The following CARS2 variants were observed in gnomAD, a reference collection of about 807,000 sequenced individuals.
CARS2 encodes probable cysteine--tRNA ligase, mitochondrial.
CARS2 carries 52 observed loss-of-function variants against 68.8 expected under a neutral mutation model. The observed-to-expected ratio is 0.76, with a 90% CI of 0.61 to 0.95. The LOEUF is 0.95. CARS2 is among the 40% of genes least tolerant of loss of function. The pLI, the probability that CARS2 is intolerant of heterozygous loss-of-function variation, is 0.00. For missense variants in CARS2, 780 were observed against 754.2 expected (o/e 1.03, Z -0.40); for synonymous variants, 314 against 303.6 (o/e 1.03, Z -0.36).
chr13:110,692,067 T>C (rs1338246336), intron 3 of CARS2, among the ~76,000 whole-genome samples: 9 of 144,626 alleles, frequency 6.2e-5, no homozygotes, highest in South Asian at 2.1e-4. Context: ...CATATATATA[T>C]ACACACATAC....
At chr13:110,679,588 A>AG (rs2063085132) in intron 6 of CARS2, among the ~76,000 whole-genome samples, 1 of 11,570 alleles carries the variant, frequency 8.6e-5, no homozygotes, top group African/African-American at 1.5e-4. Context: ...AGAAAGAAAG[A>AG]AAGAAAGAAA....
chr13:110,697,549 T>C (rs1429782774), intron 3 of CARS2, among the ~76,000 whole-genome samples: 2 of 152,208 alleles, frequency 1.3e-5, no homozygotes, highest in Non-Finnish European at 2.9e-5. Context: ...TTCAAGTACT[T>C]CTCGTGTCTC....
chr13:110,642,808 G>A (rs1454984847), intron 13 of CARS2: 2 of 672,954 alleles, frequency 3.0e-6, no homozygotes, highest in Non-Finnish European at 5.5e-6. Context: ...GCCCCGCCCT[G>A]AACACAAACG....
intron 2 of CARS2, among the ~76,000 whole-genome samples, chr13:110,703,982 G>A (rs145953875): frequency 0.011 from 1,699 of 152,364 alleles, 41 homozygotes; most frequent in African/African-American, 0.039. Context: ...TCATAGAAGA[G>A]ACCTCAGAGA....
In CARS2 at chr13:110,680,451, G is replaced by T. The variant is rs116945982; in HGVS notation, c.655+2600C>A. Among the ~76,000 whole-genome samples, 124 of 152,300 alleles carry T rather than the reference G, an allele frequency of 8.1e-4. 2 individuals carry two copies. The East Asian group carries it at 0.022, about 27-fold the overall frequency. The stretch of plus-strand genomic sequence containing the variant: ...TTCCAGCAAATAAAGCAGAATGGGA[G>T]TTGCACCACCATGCCACCTCTTTTT... On this transcript the variant is annotated intron_variant, in intron 6 of 14. Transcript: ENST00000257347.
At chr13:110,713,432 A>G in exon 1 of CARS2, 1 of 999,886 alleles carries the variant, frequency 1.0e-6, no homozygotes, top group Non-Finnish European at 1.2e-6. Context: ...CAAGTGCCAA[A>G]AACTCCTAGT....
intron 8 of CARS2, chr13:110,664,736 C>G: frequency 1.3e-6 from 1 of 753,998 alleles, no homozygotes; most frequent in Non-Finnish European, 1.6e-6. Flanking sequence ...CCTCAGGTGA[C>G]GGTAACTGAA....
intron 7 of CARS2, among the ~76,000 whole-genome samples, chr13:110,672,338 A>G (rs2062825489): frequency 6.6e-6 from 1 of 152,214 alleles, no homozygotes; most frequent in Non-Finnish European, 1.5e-5. Context: ...CAGCAAATGT[A>G]AAAGAACAGA....
rs138013631 is a variant in CARS2 at position 110,666,944 on chromosome 13, T to C, written c.919+396A>G. On this transcript the variant is annotated intron_variant, in intron 8 of 14. Coordinates refer to ENST00000257347, the MANE Select transcript of CARS2 (RefSeq NM_024537.4). Reference sequence around the variant, plus strand: ...GAGCAGACAGCTGGGGTTCATCAGTTAGGTGTTTGAACAGTGGAAGAAAGG... The same window carrying C: ...GAGCAGACAGCTGGGGTTCATCAGTCAGGTGTTTGAACAGTGGAAGAAAGG... 6.6e-4 allele frequency: 651 copies of C among 985,406 alleles called. 8 individuals are homozygous for C. In the African/African-American group the frequency reaches 0.011, roughly 16 times the overall value. 61.0% of individuals were successfully genotyped at this position (985,406 alleles called of 1,614,324 possible). A position where few individuals can be genotyped will look rare whatever the true frequency, so the allele number is the denominator to read the frequency against.
chr13:110,679,569 G>GAAAGAA (rs1422792040), intron 6 of CARS2, among the ~76,000 whole-genome samples: 1 of 98,324 alleles, frequency 1.0e-5, no homozygotes, highest in East Asian at 2.9e-4. Context: ...AAGAAAGAAA[G>GAAAGAA]AGAGAGAAAG....
In CARS2 at chr13:110,706,050, A is replaced by G; in HGVS notation, c.44T>C (p.Leu15Pro). 2.2e-6 allele frequency: 3 copies of G among 1,362,770 alleles called. No individual in the cohort carries two copies. Among genetic ancestry groups the G allele is most frequent in the Non-Finnish European group, 9.4e-7 (1 of 1,059,712 alleles). The allele number at this position is 1,362,770 out of a possible 1,614,324, so 84.4% of individuals were successfully genotyped here. ...CCGCCCAAGGCCCAGCGCGGCCTGGAGCAGCGGGGGGCCCAGGCCTGGGCC... is the reference window on the plus strand; with the variant it reads ...CCGCCCAAGGCCCAGCGCGGCCTGGGGCAGCGGGGGGCCCAGGCCTGGGCC... ...TRGPGLGPPL[L>P]QAALGLGRAG... The change falls in exon 1 of 15, where the codon CTC (leucine) becomes CCC (proline). Residue 15 changes from leucine to proline, a missense_variant. Transcript: ENST00000257347.
chr13:110,641,660 A>T (rs754088913), intron 14 of CARS2, 52 bp from the exon 15 acceptor site: 3 of 1,434,504 alleles, frequency 2.1e-6, no homozygotes, highest in Non-Finnish European at 2.9e-6. Flanking sequence ...GTCATGTGGC[A>T]CAGGGGGCTG....
chr13:110,691,686 A>T (rs2063463306), intron 3 of CARS2, among the ~76,000 whole-genome samples: 1 of 152,132 alleles, frequency 6.6e-6, no homozygotes, highest in Non-Finnish European at 1.5e-5. Context: ...TTTTATCATA[A>T]AACAAACTCC....
At chr13:110,659,362 C>T (rs1029614900) in intron 9 of CARS2, among the ~76,000 whole-genome samples, 1 of 152,302 alleles carries the variant, frequency 6.6e-6, no homozygotes, top group African/African-American at 2.4e-5. Context: ...CCTGCTGTAG[C>T]AGGGTGAGGA....
chr13:110,685,862 A>G (rs753283792), intron 5 of CARS2, among the ~76,000 whole-genome samples: 9 of 152,196 alleles, frequency 5.9e-5, no homozygotes, highest in Non-Finnish European at 8.8e-5. Flanking sequence ...GGTCCACCAG[A>G]CAAAGATTAG....
At chr13:110,675,547 A>G (rs1373361054) in intron 7 of CARS2, among the ~76,000 whole-genome samples, 1 of 151,926 alleles carries the variant, frequency 6.6e-6, no homozygotes, top group African/African-American at 2.4e-5. Flanking sequence ...ATCACACACC[A>G]GGGCCTGTCA....
chr13:110,664,336 G>C, intron 8 of CARS2: 1 of 369,486 alleles, frequency 2.7e-6, no homozygotes, highest in African/African-American at 2.2e-5. Context: ...GGCAACACCC[G>C]GTCTCTACAA....
chr13:110,707,402 T>C (rs1199539691), upstream of CARS2: 1 of 152,326 alleles, frequency 6.6e-6, no homozygotes. Flanking sequence ...ATCCCAGCAC[T>C]TTGGGAGGCT....
intron 8 of CARS2, 98 bp downstream of exon 8, chr13:110,667,242 G>T: frequency 9.2e-7 from 1 of 1,092,522 alleles, no homozygotes; most frequent in Non-Finnish European, 1.3e-6. Context: ...TGACCTATTA[G>T]CTGATCTACT....
Sources: allele counts gnomAD v4.1 joint callset (sites outside exome capture counted in the v4.1 genomes callset), GRCh38; gene constraint gnomAD v4.1.1; transcripts MANE v1.5; gene names NCBI Gene and HGNC (gene_info 2026-07-23, HGNC 2026-07-21).